The following VIT variants were observed in gnomAD, a reference collection of about 807,000 sequenced individuals.
The protein encoded by VIT is vitrin.
A neutral mutation model predicts 78.0 loss-of-function variants in VIT; 99 were observed. The observed-to-expected ratio is 1.27, with a 90% CI of 1.08 to 1.50. The LOEUF is 1.50. Ranked by LOEUF, VIT falls within the 40% of genes most tolerant of loss-of-function variation. VIT has a pLI of 0.00. For missense variants in VIT, 1,126 were observed against 875.3 expected, an observed-to-expected ratio of 1.29 and a Z score of -3.61; for synonymous variants, 374 against 334.3, an observed-to-expected ratio of 1.12 and a Z score of -1.29.
chr2:36,754,902 T>A lies in VIT; in HGVS notation c.276-19T>A, dbSNP rs745556791. 5 of 1,600,994 alleles carry A rather than the reference T, an allele frequency of 3.1e-6. No homozygotes were observed. Among genetic ancestry groups the A allele is most frequent in the South Asian group, 2.3e-5 (2 of 88,426 alleles). ...AATATTTCTGTTCTTTCCTGAAAAATTATTTTTTCTCTTCATAGTGGTGTG... is the reference window on the plus strand; with the variant it reads ...AATATTTCTGTTCTTTCCTGAAAAAATATTTTTTCTCTTCATAGTGGTGTG... On this transcript the variant is annotated intron_variant, in intron 4 of 15. Transcript: ENST00000379242.
intron 2 of VIT, among the ~76,000 whole-genome samples, chr2:36,726,950 T>C (rs553812304): frequency 5.9e-5 from 9 of 152,060 alleles, no homozygotes; most frequent in Non-Finnish European, 1.0e-4. Context: ...TTTCATCTTA[T>C]GTGCTTGAAA....
intron 13 of VIT, among the ~76,000 whole-genome samples, chr2:36,802,364 G>C (rs938034711): frequency 6.6e-6 from 1 of 152,172 alleles, no homozygotes; most frequent in Non-Finnish European, 1.5e-5. Flanking sequence ...AAAATCCAAA[G>C]AAATGGAGTC....
chr2:36,733,351 T>C lies in VIT; in HGVS notation c.118+3860T>C, dbSNP rs373833322. On this transcript the variant is annotated intron_variant, in intron 3 of 15. Coordinates refer to ENST00000379242, the MANE Select transcript of VIT (RefSeq NM_053276.4). Reference sequence around the variant, plus strand: ...CTTGCTGTCTCTCTCTCTCCCCCCCTCTCTCTCTCTCCAGACCATGTCTCT... The same window carrying C: ...CTTGCTGTCTCTCTCTCTCCCCCCCCCTCTCTCTCTCCAGACCATGTCTCT... Among the ~76,000 whole-genome samples, 1,002 of 150,432 alleles carry C rather than the reference T, an allele frequency of 6.7e-3. 8 individuals are homozygous for C. Among genetic ancestry groups the C allele is most frequent in the African/African-American group, 0.02 (783 of 40,142 alleles).
At chr2:36,703,468 A>G (rs1053663283) in intron 1 of VIT, among the ~76,000 whole-genome samples, 1 of 151,990 alleles carries the variant, frequency 6.6e-6, no homozygotes, top group African/African-American at 2.4e-5. Context: ...AGACCAAAGG[A>G]TCATCTTATT....
Position 36,808,849 on chromosome 2 carries a change from G to A in VIT, c.1767G>A (p.Thr589=), listed in dbSNP as rs34147001. ...RVGYWSGGTS[T]GAAINFALEQ... is the part of the protein sequence containing the mutation. Reference sequence around the variant, plus strand: ...GCTACTGGAGTGGTGGCACCAGCACGGGGGCTGCCATCAACTTCGCCCTGG... The same window carrying A: ...GCTACTGGAGTGGTGGCACCAGCACAGGGGCTGCCATCAACTTCGCCCTGG... The change falls in exon 15 of 16, where the codon ACG becomes ACA. Residue 589 remains threonine, a synonymous_variant. Coordinates refer to ENST00000379242, the MANE Select transcript of VIT (RefSeq NM_053276.4). 2,709 of 1,614,164 alleles carry A rather than the reference G, an allele frequency of 1.7e-3. 56 individuals are homozygous for A. The African/African-American group carries it at 0.032, about 19-fold the overall frequency.
At chr2:36,766,443 A>G (rs1458918968) in intron 6 of VIT, among the ~76,000 whole-genome samples, 1 of 152,164 alleles carries the variant, frequency 6.6e-6, no homozygotes, top group Non-Finnish European at 1.5e-5. Context: ...AGGTGGGAGG[A>G]TCACTGTACC....
chr2:36,728,344 T>C (rs1427952551), intron 2 of VIT, among the ~76,000 whole-genome samples: 1 of 152,020 alleles, frequency 6.6e-6, no homozygotes. Flanking sequence ...TTTTAAAATC[T>C]CAAAAATAGA....
intron 3 of VIT, among the ~76,000 whole-genome samples, chr2:36,742,242 A>G (rs1354129880): frequency 6.6e-6 from 1 of 152,156 alleles, no homozygotes. Flanking sequence ...GGATACAGTC[A>G]ATAGAGCATC....
rs571515328 is a variant in VIT, at chr2:36,770,479, G to A, written c.679+3194G>A. ...GAAGGTGGGGCTGGACACCAAAGCC[G>A]CATCATGGCCCCTTAACTGACCCAT... is the stretch of plus-strand genomic sequence containing the variant. On this transcript the variant is annotated intron_variant, in intron 7 of 15. Coordinates refer to ENST00000379242, the MANE Select transcript of VIT (RefSeq NM_053276.4). Among the ~76,000 whole-genome samples, 103 of 152,302 alleles carry A rather than the reference G, an allele frequency of 6.8e-4. 1 individual carries two copies. In the South Asian group the frequency reaches 0.013, roughly 20 times the overall value.
chr2:36,710,458 C>T (rs1376482658), intron 1 of VIT, among the ~76,000 whole-genome samples: 1 of 152,040 alleles, frequency 6.6e-6, no homozygotes, highest in African/African-American at 2.4e-5. Flanking sequence ...ACTGTGAAAC[C>T]ATCACTACAT....
chr2:36,745,362 G>T (rs893362822), intron 4 of VIT, among the ~76,000 whole-genome samples: 5 of 152,020 alleles, frequency 3.3e-5, no homozygotes, highest in Admixed American at 6.6e-5. Flanking sequence ...TTCATTGGCA[G>T]TTTGATAAAA....
chr2:36,798,400 G>A (rs1362200211), intron 12 of VIT, among the ~76,000 whole-genome samples: 2 of 152,184 alleles, frequency 1.3e-5, no homozygotes, highest in East Asian at 1.9e-4. Flanking sequence ...GGACCTGAGG[G>A]ATGGGGGCTG....
In VIT at chr2:36,808,751, G is replaced by T. The variant is rs776323615; in HGVS notation, c.1669G>T (p.Glu557Ter). The change falls in exon 15 of 16, where the codon GAA (glutamate) becomes TAA (stop). Residue 557 changes from glutamate (E) to a stop codon, truncating the protein, a stop_gained. Coordinates refer to ENST00000379242, the MANE Select transcript of VIT (RefSeq NM_053276.4). LOFTEE classifies it high-confidence loss of function. ...TRIGAVQYTY[E>*]QRLEFGFDKY... ...CATCGGGGCCGTGCAGTACACCTAC[G>T]AACAGCGGCTGGAGTTTGGGTTCGA... The T allele has an allele frequency of 1.2e-6, 2 of 1,613,964 alleles. No individual in the cohort carries two copies. The highest frequency in any genetic ancestry group is 2.7e-5 in the African/African-American group (2 of 74,918).
chr2:36,759,754 A>G (rs896637108), intron 6 of VIT: 13 of 822,934 alleles, frequency 1.6e-5, no homozygotes, highest in Non-Finnish European at 1.8e-5. Context: ...GGTTCTGTTC[A>G]TGTACTTAAG....
intron 1 of VIT, among the ~76,000 whole-genome samples, chr2:36,708,831 A>G (rs145136893): frequency 1.6e-3 from 244 of 152,298 alleles, no homozygotes; most frequent in African/African-American, 5.7e-3. Flanking sequence ...TGCTGTCTGC[A>G]CAGTAGAGTC....
chr2:36,713,621 G>A (rs1414905563), intron 1 of VIT, among the ~76,000 whole-genome samples: 2 of 152,324 alleles, frequency 1.3e-5, no homozygotes, highest in East Asian at 1.9e-4. Context: ...TAATCTAGGT[G>A]GGAGAGGGCA....
At chr2:36,707,130 C>A (rs143582316) in intron 1 of VIT, among the ~76,000 whole-genome samples, 3 of 152,114 alleles carry the variant, frequency 2.0e-5, no homozygotes, top group Non-Finnish European at 4.4e-5. Context: ...ACGGCCACTG[C>A]GAGTTAGGTA....
At chr2:36,771,475 G>A (rs866101278) in intron 7 of VIT, among the ~76,000 whole-genome samples, 19 of 149,852 alleles carry the variant, frequency 1.3e-4, no homozygotes, top group East Asian at 1.9e-4. Context: ...GCAGTGAGCC[G>A]AGGTCGTGCC....
In VIT at chr2:36,814,455, T is replaced by C. The variant is rs1572597884; in HGVS notation, c.*94T>C. 2 of 1,440,984 alleles carry C rather than the reference T, an allele frequency of 1.4e-6. No individual in the cohort carries two copies. The highest frequency in any genetic ancestry group is 4.6e-5 in the East Asian group (2 of 43,128). The allele number at this position is 1,440,984 out of a possible 1,614,324, so 89.3% of individuals were successfully genotyped here. ...AATGGGGCACGCACGGTGCATCAAGTCTTGGGCAGGGCATGGAGAAACAAA... is the reference window on the plus strand; with the variant it reads ...AATGGGGCACGCACGGTGCATCAAGCCTTGGGCAGGGCATGGAGAAACAAA... On this transcript the variant is annotated 3_prime_UTR_variant, in exon 16 of 16. Transcript: ENST00000379242.
Sources: gnomAD v4.1 joint callset for allele counts (sites outside exome capture counted in the v4.1 genomes callset) on GRCh38, gnomAD v4.1.1 for gene constraint, MANE v1.5 for transcripts, NCBI Gene and HGNC (gene_info 2026-07-23, HGNC 2026-07-21) for gene names.